Variants in SLC39A3 observed in about 807,000 individuals in gnomAD.
SLC39A3 encodes solute carrier family 39 member 3.
A neutral mutation model predicts 5.1 loss-of-function variants in SLC39A3; 3 were observed. The ratio of observed to expected loss-of-function variants is 0.59; its 90% CI spans 0.27 to 1.54. The LOEUF (loss-of-function observed/expected upper bound fraction) is 1.54, where lower values mean the gene tolerates loss of function less well. Ranked by LOEUF, SLC39A3 falls within the 40% of genes most tolerant of loss-of-function variation. SLC39A3 has a pLI of 0.12. For synonymous variants in SLC39A3, 250 were observed against 218.8 expected (o/e 1.14, Z -1.26); for missense variants, 412 against 436.4 (o/e 0.94, Z 0.50).
intron 1 of SLC39A3, 89 bp from the exon 2 acceptor site, chr19:2,737,468 T>C: frequency 1.2e-6 from 1 of 862,864 alleles, no homozygotes; most frequent in Non-Finnish European, 1.7e-6. Context: ...CAGGCTGGAG[T>C]GCAATGGTGC....
Position 2,733,407 on chromosome 19 carries a change from T to G in SLC39A3, c.289A>C (p.Met97Leu). 6.2e-7 allele frequency: 1 copy of G among 1,613,014 alleles called. No homozygotes were observed. The highest frequency in any genetic ancestry group is 8.5e-7 in the Non-Finnish European group (1 of 1,179,988). The part of the protein sequence containing the change: ...AETILLLGFF[M>L]TVFLEQLILT... ...ATCAGCTGCTCCAGGAAGACGGTCA[T>G]GAAGAAGCCCAGCAGGAGGATGGTT... Residue 97 changes from methionine to leucine, a missense_variant, in exon 3 of 3, where the codon ATG (methionine) becomes CTG (leucine). Coordinates refer to ENST00000269740, the MANE Select transcript of SLC39A3 (RefSeq NM_144564.5). This position sits in a 1 kb window ranked among gnomAD's most constrained non-coding sequence, Gnocchi z 6.1.
chr19:2,733,603 G>A lies in SLC39A3; in HGVS notation c.211-118C>T, dbSNP rs1914268338. On this transcript the variant is annotated intron_variant, in intron 2 of 2. Coordinates refer to ENST00000269740, the MANE Select transcript of SLC39A3 (RefSeq NM_144564.5). The surrounding 1 kb of genome is among the most constrained non-coding windows in gnomAD (Gnocchi z 6.1). Reference sequence around the variant, plus strand: ...CCAGAAATCCCCGATTCACACAGAGGTTAAAACAAGTGGGAGAGGAAGGGC... The same window carrying A: ...CCAGAAATCCCCGATTCACACAGAGATTAAAACAAGTGGGAGAGGAAGGGC... 3 of 1,327,620 alleles carry A rather than the reference G, an allele frequency of 2.3e-6. No individual in the cohort carries two copies. The highest frequency in any genetic ancestry group is 3.0e-6 in the Non-Finnish European group (3 of 990,084). 82.2% of individuals were successfully genotyped at this position (1,327,620 alleles called of 1,614,324 possible). A position where few individuals can be genotyped will look rare whatever the true frequency, so the allele number is the denominator to read the frequency against.
In SLC39A3 at chr19:2,735,282, C is replaced by T. The variant is rs868138275; in HGVS notation, c.210+1766G>A. The T allele has an allele frequency of 2.2e-6, 2 of 904,110 alleles. No individual in the cohort carries two copies. Among genetic ancestry groups the T allele is most frequent in the South Asian group, 5.1e-5 (1 of 19,618 alleles). The allele number at this position is 904,110 out of a possible 1,614,324, so 56.0% of individuals were successfully genotyped here. A position where few individuals can be genotyped will look rare whatever the true frequency, so the allele number is the denominator to read the frequency against. On this transcript the variant is annotated intron_variant, in intron 2 of 2. Transcript: ENST00000269740. The surrounding 1 kb of genome is among the most constrained non-coding windows in gnomAD (Gnocchi z 5.7). ...TAACGAACGAATGCAGACTCAGCCA[C>T]GCGGAACAGCAGGAATGCGGTGTCT...
rs757542896 is a variant in SLC39A3, at chr19:2,733,294, C to T, written c.402G>A (p.Glu134=). The T allele has an allele frequency of 6.2e-7, 1 of 1,612,950 alleles. No homozygotes were observed. Among genetic ancestry groups the T allele is most frequent in the Non-Finnish European group, 8.5e-7 (1 of 1,180,016 alleles). The change falls in exon 3 of 3, where the codon GAG becomes GAA. Residue 134 remains glutamate, a synonymous_variant. Transcript: ENST00000269740. This position sits in a 1 kb window ranked among gnomAD's most constrained non-coding sequence, Gnocchi z 6.1. The stretch of plus-strand genomic sequence containing the variant: ...CCCGCGCGCCCCCCATGAAGGGGCT[C>T]TCATACTCCGAGTCGCTGCCCACGT... ...GSDVGSDSEY[E]SPFMGGARGH...
Position 2,735,716 on chromosome 19 carries a change from G to T in SLC39A3, c.210+1332C>A, listed in dbSNP as rs990471527. 4.6e-6 allele frequency: 2 copies of T among 432,114 alleles called. No homozygotes were observed. Among genetic ancestry groups the T allele is most frequent in the Non-Finnish European group, 6.2e-6 (2 of 324,938 alleles). 26.8% of individuals were successfully genotyped at this position (432,114 alleles called of 1,614,324 possible). On this transcript the variant is annotated intron_variant, in intron 2 of 2. Transcript: ENST00000269740. The surrounding 1 kb of genome is among the most constrained non-coding windows in gnomAD (Gnocchi z 5.7). ...TGCTGGGATTCTGACATAATGGCAG[G>T]AGTGACACGCACGGCAGTCCCAGCC...
chr19:2,737,435 T>TA lies in SLC39A3; in HGVS notation c.-122-57dup, dbSNP rs897360196. Reference sequence around the variant, plus strand: ...TCTTTCTTTTTTCTTTTTTTTTTTTTAGACAGAGTCTCGCTCTGTTGCCAG... The same window carrying TA: ...TCTTTCTTTTTTCTTTTTTTTTTTTTAAGACAGAGTCTCGCTCTGTTGCCAG... On this transcript the variant is annotated intron_variant, in intron 1 of 2. Transcript: ENST00000269740. The TA allele has an allele frequency of 2.6e-6, 3 of 1,152,366 alleles. No homozygotes were observed. In the African/African-American group the frequency reaches 4.8e-5, roughly 18 times the overall value. 71.4% of individuals were successfully genotyped at this position (1,152,366 alleles called of 1,614,324 possible).
In SLC39A3 at chr19:2,736,909, C is replaced by T. The variant is rs769579878; in HGVS notation, c.210+139G>A. 6 of 1,535,230 alleles carry T rather than the reference C, an allele frequency of 3.9e-6. No individual in the cohort carries two copies. In the African/African-American group the frequency reaches 6.9e-5, roughly 18 times the overall value. On this transcript the variant is annotated intron_variant, in intron 2 of 2. Coordinates refer to ENST00000269740, the MANE Select transcript of SLC39A3 (RefSeq NM_144564.5). ...AGAAAGTAACCAGTTCACAATCACA[C>T]AGCAAATTCACTTCCTACTTTCCGT...
chr19:2,733,438 C>T lies in SLC39A3; in HGVS notation c.258G>A (p.Leu86=), dbSNP rs755062243. 1 of 1,612,858 alleles carries T rather than the reference C, an allele frequency of 6.2e-7. No individual in the cohort carries two copies. Among genetic ancestry groups the T allele is most frequent in the Non-Finnish European group, 8.5e-7 (1 of 1,180,004 alleles). Reference sequence around the variant, plus strand: ...AGCCCAGCAGGAGGATGGTTTCGGCCAGCGGGTAGTCGGTGCTGATGTGGC... The same window carrying T: ...AGCCCAGCAGGAGGATGGTTTCGGCTAGCGGGTAGTCGGTGCTGATGTGGC... ...SLGHISTDYP[L]AETILLLGFF... is the part of the protein sequence containing the mutation. Residue 86 remains leucine, a synonymous_variant, in exon 3 of 3, where the codon CTG becomes CTA. Transcript: ENST00000269740. This position sits in a 1 kb window ranked among gnomAD's most constrained non-coding sequence, Gnocchi z 6.1.
rs537147586 is a variant in SLC39A3, at chr19:2,733,021, G to A, written c.675C>T (p.Pro225=). 3.7e-6 allele frequency: 6 copies of A among 1,604,714 alleles called. No homozygotes were observed. The highest frequency in any genetic ancestry group is 1.7e-4 in the Middle Eastern group (1 of 6,046). The part of the protein sequence containing the change: ...LGISMARSAM[P]LRDAAKLAVT... ...CCGCCAGCTTGGCCGCGTCCCGCAG[G>A]GGCATGGCACTCCGGGCCATGCTGA... Residue 225 remains proline, a synonymous_variant, in exon 3 of 3, where the codon CCC becomes CCT. Coordinates refer to ENST00000269740, the MANE Select transcript of SLC39A3 (RefSeq NM_144564.5). The surrounding 1 kb of genome is among the most constrained non-coding windows in gnomAD (Gnocchi z 6.1).
rs1391262212 is a variant in SLC39A3, at chr19:2,735,715, G to A, written c.210+1333C>T. ...CTGCTGGGATTCTGACATAATGGCA[G>A]GAGTGACACGCACGGCAGTCCCAGC... On this transcript the variant is annotated intron_variant, in intron 2 of 2. Transcript: ENST00000269740. The surrounding 1 kb of genome is among the most constrained non-coding windows in gnomAD (Gnocchi z 5.7). The A allele has an allele frequency of 1.2e-5, 5 of 428,638 alleles. No homozygotes were observed. In the East Asian group the frequency reaches 6.4e-4, roughly 55 times the overall value. 26.6% of individuals were successfully genotyped at this position (428,638 alleles called of 1,614,324 possible). A position where few individuals can be genotyped will look rare whatever the true frequency, so the allele number is the denominator to read the frequency against.
At chr19:2,739,088 A>G (rs1914469971) in intron 1 of SLC39A3, among the ~76,000 whole-genome samples, 1 of 130,410 alleles carries the variant, frequency 7.7e-6, no homozygotes, top group African/African-American at 3.1e-5. Context: ...CTGCAGAGCA[A>G]GACTCCGTCT....
In SLC39A3 at chr19:2,733,289, G is replaced by T. The variant is rs1186110661; in HGVS notation, c.407C>A (p.Pro136His). 2 of 1,612,886 alleles carry T rather than the reference G, an allele frequency of 1.2e-6. No homozygotes were observed. Among genetic ancestry groups the T allele is most frequent in the South Asian group, 2.2e-5 (2 of 91,090 alleles). ...GTGGCCCCGCGCGCCCCCCATGAAG[G>T]GGCTCTCATACTCCGAGTCGCTGCC... ...DVGSDSEYESPFMGGARGHAL... is the reference protein window; with the variant it reads ...DVGSDSEYESHFMGGARGHAL... The change falls in exon 3 of 3, where the codon CCC (proline) becomes CAC (histidine). Residue 136 changes from proline to histidine, a missense_variant. Transcript: ENST00000269740. The surrounding 1 kb of genome is among the most constrained non-coding windows in gnomAD (Gnocchi z 6.1).
Position 2,735,009 on chromosome 19 carries a change from G to A in SLC39A3, c.211-1524C>T, listed in dbSNP as rs149614180. The A allele has an allele frequency of 3.0e-4, 294 of 985,442 alleles. 4 individuals carry two copies. The East Asian group carries it at 0.023, about 78-fold the overall frequency. The allele number at this position is 985,442 out of a possible 1,614,324, so 61.0% of individuals were successfully genotyped here. On this transcript the variant is annotated intron_variant, in intron 2 of 2. Coordinates refer to ENST00000269740, the MANE Select transcript of SLC39A3 (RefSeq NM_144564.5). The surrounding 1 kb of genome is among the most constrained non-coding windows in gnomAD (Gnocchi z 5.7). ...GGGCTCGGGAGTAGGGACCTCATCC[G>A]CCTGACCAGCCCGAGGACAGGAGAA...
At chr19:2,737,473 T>A in intron 1 of SLC39A3, 94 bp from the exon 2 acceptor site, 2 of 843,288 alleles carry the variant, frequency 2.4e-6, no homozygotes, top group Non-Finnish European at 1.7e-6. Context: ...TGGAGTGCAA[T>A]GGTGCAATCT....
chr19:2,737,533 G>C, intron 1 of SLC39A3, 154 bp from the exon 2 acceptor site: 1 of 443,014 alleles, frequency 2.3e-6, no homozygotes. Context: ...CTCCTGCCTA[G>C]TAGCTGGGAT....
chr19:2,732,706 G>A lies in SLC39A3; in HGVS notation c.*45C>T, dbSNP rs779216149. On this transcript the variant is annotated 3_prime_UTR_variant, in exon 3 of 3. Coordinates refer to ENST00000269740, the MANE Select transcript of SLC39A3 (RefSeq NM_144564.5). Reference sequence around the variant, plus strand: ...GGGGGACGCGGCCTGTGTCCGGCCCGGGGCTCCCGGCGGGCTCCGGCGGCA... The same window carrying A: ...GGGGGACGCGGCCTGTGTCCGGCCCAGGGCTCCCGGCGGGCTCCGGCGGCA... 3.9e-5 allele frequency: 59 copies of A among 1,501,356 alleles called. No individual in the cohort carries two copies. The highest frequency in any genetic ancestry group is 2.0e-4 in the Middle Eastern group (1 of 4,880). 93.0% of individuals were successfully genotyped at this position (1,501,356 alleles called of 1,614,324 possible).
At position 2,735,261 on chromosome 19, in the gene SLC39A3, G is replaced by A. The variant is rs966381590; in HGVS notation, c.211-1776C>T. The A allele has an allele frequency of 1.2e-4, 121 of 976,154 alleles. No homozygotes were observed. The highest frequency in any genetic ancestry group is 5.2e-4 in the Middle Eastern group (1 of 1,916). 60.5% of individuals were successfully genotyped at this position (976,154 alleles called of 1,614,324 possible). A position where few individuals can be genotyped will look rare whatever the true frequency, so the allele number is the denominator to read the frequency against. Reference sequence around the variant, plus strand: ...TGTCAGTCTTCACACACCGCGTAACGAACGAATGCAGACTCAGCCACGCGG... The same window carrying A: ...TGTCAGTCTTCACACACCGCGTAACAAACGAATGCAGACTCAGCCACGCGG... On this transcript the variant is annotated intron_variant, in intron 2 of 2. Transcript: ENST00000269740. This position sits in a 1 kb window ranked among gnomAD's most constrained non-coding sequence, Gnocchi z 5.7.
rs1285684642 is a variant in SLC39A3, at chr19:2,732,747, C to T, written c.*4G>A. Reference sequence around the variant, plus strand: ...TCCGGCGGCAGGGACAATGGCGAGGCCGCTCACCACTTGAGGAAGACCATC... The same window carrying T: ...TCCGGCGGCAGGGACAATGGCGAGGTCGCTCACCACTTGAGGAAGACCATC... On this transcript the variant is annotated 3_prime_UTR_variant, in exon 3 of 3. Coordinates refer to ENST00000269740, the MANE Select transcript of SLC39A3 (RefSeq NM_144564.5). The T allele has an allele frequency of 3.2e-6, 5 of 1,544,502 alleles. No homozygotes were observed. The highest frequency in any genetic ancestry group is 1.4e-5 in the African/African-American group (1 of 72,554).
Position 2,735,294 on chromosome 19 carries a change from G to T in SLC39A3, c.210+1754C>A. On this transcript the variant is annotated intron_variant, in intron 2 of 2. Coordinates refer to ENST00000269740, the MANE Select transcript of SLC39A3 (RefSeq NM_144564.5). The surrounding 1 kb of genome is among the most constrained non-coding windows in gnomAD (Gnocchi z 5.7). ...GCAGACTCAGCCACGCGGAACAGCA[G>T]GAATGCGGTGTCTCGGCTCTGAACG... is the stretch of plus-strand genomic sequence containing the variant. 1.2e-6 allele frequency: 1 copy of T among 823,582 alleles called. No individual in the cohort carries two copies. The highest frequency in any genetic ancestry group is 1.5e-6 in the Non-Finnish European group (1 of 682,266). 51.0% of individuals were successfully genotyped at this position (823,582 alleles called of 1,614,324 possible). A position where few individuals can be genotyped will look rare whatever the true frequency, so the allele number is the denominator to read the frequency against.
Sources: gnomAD v4.1 joint callset for allele counts (sites outside exome capture counted in the v4.1 genomes callset) on GRCh38, gnomAD v4.1.1 for gene constraint, Gnocchi (gnomAD v3.1) non-coding constraint, MANE v1.5 for transcripts, NCBI Gene and HGNC (gene_info 2026-07-23, HGNC 2026-07-21) for gene names.